The following ZBTB20 variants were observed in gnomAD, a reference collection of about 807,000 sequenced individuals.
ZBTB20 encodes zinc finger and BTB domain containing 20, also known as zinc finger and BTB domain-containing protein 20.
A neutral mutation model predicts 56.9 loss-of-function variants in ZBTB20; 9 were observed. That is an observed-to-expected ratio of 0.16 (90% CI 0.10 to 0.28). The LOEUF is 0.28. Ranked by LOEUF, ZBTB20 falls within the 10% of genes least tolerant of loss-of-function variation. The pLI, the probability that ZBTB20 is intolerant of heterozygous loss-of-function variation, is 1.00. For synonymous variants in ZBTB20, 417 were observed against 420.7 expected (o/e 0.99, Z 0.11); for missense variants, 655 against 1,003.0 (o/e 0.65, Z 4.69).
chr3:114,409,328 G>C (rs2067756), intron 7 of ZBTB20, among the ~76,000 whole-genome samples: 1 of 151,676 alleles, frequency 6.6e-6, no homozygotes, highest in Non-Finnish European at 1.5e-5. Flanking sequence ...AAGCAGGCAC[G>C]ATTTGATTTA....
intron 4 of ZBTB20, among the ~76,000 whole-genome samples, chr3:114,858,648 G>A (rs73228362): frequency 0.044 from 6,713 of 152,076 alleles, 217 homozygotes; most frequent in Non-Finnish European, 0.071. Context: ...TTTGAGCTCC[G>A]TGCAGTGCAG....
chr3:114,414,395 G>A lies in ZBTB20; in HGVS notation c.-254-25290C>T, dbSNP rs115955664. On this transcript the variant is annotated intron_variant, in intron 7 of 11. Coordinates refer to ENST00000675478, the MANE Select transcript of ZBTB20 (RefSeq NM_001348800.3). ...TGGGTTGGGGGAGAAGCACGATGAG[G>A]AGAAGAAACATTAGAGAAGAATCCG... Among the ~76,000 whole-genome samples the A allele has an allele frequency of 7.3e-3, 1,106 of 152,188 alleles. 20 individuals carry two copies. The highest frequency in any genetic ancestry group is 0.025 in the African/African-American group (1,027 of 41,544).
At chr3:115,026,992 T>C (rs2080453714) in intron 2 of ZBTB20, among the ~76,000 whole-genome samples, 1 of 150,902 alleles carries the variant, frequency 6.6e-6, no homozygotes. Context: ...TTATATAGCA[T>C]TACCTTTTCT....
chr3:115,123,084 T>A (rs1011162846), intron 1 of ZBTB20, among the ~76,000 whole-genome samples: 1 of 152,152 alleles, frequency 6.6e-6, no homozygotes, highest in African/African-American at 2.4e-5. Context: ...CATGCTACAA[T>A]ACACTTCTTT....
At chr3:114,528,916 T>G (rs2047530933) in intron 6 of ZBTB20, 1 of 152,204 alleles carries the variant, frequency 6.6e-6, no homozygotes, top group South Asian at 2.1e-4. Context: ...CTACCAACAC[T>G]GTGGGCTCTA....
chr3:114,787,331 T>TTATATATATATATATA (rs138181405), intron 5 of ZBTB20, among the ~76,000 whole-genome samples: 34 of 100,564 alleles, frequency 3.4e-4, no homozygotes, highest in Admixed American at 5.0e-4. Context: ...TCTTAAAAGG[T>TTATATATATATATATA]TATATATATA....
chr3:114,728,070 T>G (rs2065437140), intron 5 of ZBTB20, among the ~76,000 whole-genome samples: 1 of 152,216 alleles, frequency 6.6e-6, no homozygotes, highest in South Asian at 2.1e-4. Flanking sequence ...TGTTGTTAAA[T>G]ATCTTCATTG....
At chr3:114,990,676 A>C (rs2078763259) in intron 2 of ZBTB20, among the ~76,000 whole-genome samples, 2 of 152,148 alleles carry the variant, frequency 1.3e-5, no homozygotes, top group Admixed American at 1.3e-4. Context: ...TTTCAGGAGG[A>C]ATGGTACCAG....
At chr3:115,033,216 AAG>A (rs766681199) in intron 2 of ZBTB20, among the ~76,000 whole-genome samples, 6 of 151,442 alleles carry the variant, frequency 4.0e-5, no homozygotes, top group Non-Finnish European at 7.4e-5. Context: ...ATGATTATAA[AAG>A]AGTACGATGA....
intron 3 of ZBTB20, among the ~76,000 whole-genome samples, chr3:114,937,508 G>A (rs534150867): frequency 1.3e-5 from 2 of 151,550 alleles, no homozygotes; most frequent in African/African-American, 2.4e-5. Context: ...TGCAACCTCC[G>A]GCTCCCGCGT....
chr3:114,528,132 T>C (rs972265388), intron 6 of ZBTB20, among the ~76,000 whole-genome samples: 1 of 152,146 alleles, frequency 6.6e-6, no homozygotes. Flanking sequence ...TCTGAGATAA[T>C]TTATCATTCT....
chr3:114,834,450 C>G (rs576993652), intron 4 of ZBTB20, among the ~76,000 whole-genome samples: 1 of 152,250 alleles, frequency 6.6e-6, no homozygotes, highest in Admixed American at 6.5e-5. Flanking sequence ...AAGTTCGTCT[C>G]TTAGTCTTAG....
At chr3:114,515,394 T>G (rs532310495) in intron 6 of ZBTB20, among the ~76,000 whole-genome samples, 2 of 152,198 alleles carry the variant, frequency 1.3e-5, no homozygotes, top group Non-Finnish European at 2.9e-5. Context: ...TGAACCCACA[T>G]GTATGTTCTC....
intron 5 of ZBTB20, among the ~76,000 whole-genome samples, chr3:114,725,725 A>C (rs11711620): frequency 0.22 from 32,833 of 152,184 alleles, 3,842 homozygotes; most frequent in East Asian, 0.36. Flanking sequence ...CTATATTCTA[A>C]AAGTTATTGT....
intron 6 of ZBTB20, among the ~76,000 whole-genome samples, chr3:114,557,894 G>C (rs561308188): frequency 2.0e-4 from 31 of 152,040 alleles, no homozygotes; most frequent in African/African-American, 7.5e-4. Context: ...TATTTATTAT[G>C]ATTTACCATT....
chr3:114,592,377 A>G (rs1289944365), intron 6 of ZBTB20, among the ~76,000 whole-genome samples: 2 of 152,220 alleles, frequency 1.3e-5, no homozygotes, highest in African/African-American at 4.8e-5. Context: ...AACGATGGGC[A>G]AATCGATTTC....
chr3:114,981,121 T>G (rs1437682557), intron 2 of ZBTB20, among the ~76,000 whole-genome samples: 2 of 152,036 alleles, frequency 1.3e-5, no homozygotes, highest in African/African-American at 2.4e-5. Flanking sequence ...AAAGTGCATA[T>G]GATCACGAAA....
rs181942110 is a variant in ZBTB20, at chr3:114,780,612, T to C, written c.-343+20489A>G. On this transcript the variant is annotated intron_variant, in intron 5 of 11. Coordinates refer to ENST00000675478, the MANE Select transcript of ZBTB20 (RefSeq NM_001348800.3). Reference sequence around the variant, plus strand: ...AAGCGATTCTCCTGCCTCAGCCTCCTGAGTAGCTGGAACAACAGACATGCA... The same window carrying C: ...AAGCGATTCTCCTGCCTCAGCCTCCCGAGTAGCTGGAACAACAGACATGCA... 7.7e-3 allele frequency among the ~76,000 whole-genome samples: 1,169 copies of C among 152,238 alleles called. 9 individuals are homozygous for C. Among genetic ancestry groups the C allele is most frequent in the African/African-American group, 0.025 (1,057 of 41,536 alleles).
At chr3:114,538,398 T>G (rs929240280) in intron 6 of ZBTB20, among the ~76,000 whole-genome samples, 1 of 152,290 alleles carries the variant, frequency 6.6e-6, no homozygotes, top group South Asian at 2.1e-4. Flanking sequence ...CTTTCCCCAG[T>G]GTGATATATT....
Sources: allele counts gnomAD v4.1 joint callset (sites outside exome capture counted in the v4.1 genomes callset), GRCh38; gene constraint gnomAD v4.1.1; transcripts MANE v1.5; gene names NCBI Gene and HGNC (gene_info 2026-07-23, HGNC 2026-07-21).